The following SNX9 variants were observed in gnomAD, a reference collection of about 807,000 sequenced individuals.
SNX9 encodes the protein sorting nexin 9, also known as sorting nexin-9.
Under a neutral mutation model 89.4 loss-of-function variants are expected in SNX9, and 44 were observed. The observed-to-expected ratio is 0.49, with a 90% confidence interval of 0.39 to 0.63. The LOEUF is 0.63. Ranked by LOEUF, SNX9 falls within the 30% of genes least tolerant of loss-of-function variation. The pLI, the probability that SNX9 is intolerant of heterozygous loss-of-function variation, is 0.00. For missense variants in SNX9, 578 were observed against 736.1 expected (o/e 0.79, Z 2.49); for synonymous variants, 236 against 247.8 (o/e 0.95, Z 0.45).
Position 157,884,922 on chromosome 6 carries a change from C to T in SNX9, c.300+9746C>T, listed in dbSNP as rs117993478. ...GGACCAGCCAGCATTGTTATACGTA[C>T]ATCCTGTCATCAGCACAGTGTAAAA... On this transcript the variant is annotated intron_variant, in intron 4 of 17. Coordinates refer to ENST00000392185, the MANE Select transcript of SNX9 (RefSeq NM_016224.5). Among the ~76,000 whole-genome samples, 355 of 152,244 alleles carry T rather than the reference C, an allele frequency of 2.3e-3. 1 individual carries two copies. The highest frequency in any genetic ancestry group is 5.0e-3 in the Admixed American group (76 of 15,288).
chr6:157,871,371 A>G (rs995654627), intron 2 of SNX9, among the ~76,000 whole-genome samples: 3 of 152,070 alleles, frequency 2.0e-5, no homozygotes, highest in African/African-American at 7.2e-5. Context: ...ACAAAATGAG[A>G]CAGTGTCTCA....
Position 157,875,089 on chromosome 6 carries a change from A to C in SNX9, c.213A>C (p.Gly71=), listed in dbSNP as rs778687174. 1.9e-6 allele frequency: 3 copies of C among 1,614,010 alleles called. No homozygotes were observed. In the Admixed American group the frequency reaches 5.0e-5, roughly 27 times the overall value. The change falls in exon 4 of 18, where the codon GGA becomes GGC. Residue 71 remains glycine (G), a synonymous_variant. Coordinates refer to ENST00000392185, the MANE Select transcript of SNX9 (RefSeq NM_016224.5). ...PSDGKDQFSC[G]NSVADQAFLD... ...ATGGAAAAGATCAATTTTCTTGTGGAAATTCAGTGGCTGACCAAGCCTTCC... is the reference window on the plus strand; with the variant it reads ...ATGGAAAAGATCAATTTTCTTGTGGCAATTCAGTGGCTGACCAAGCCTTCC...
intron 2 of SNX9, among the ~76,000 whole-genome samples, chr6:157,870,401 C>G (rs898521661): frequency 6.6e-6 from 1 of 151,848 alleles, no homozygotes; most frequent in African/African-American, 2.4e-5. Flanking sequence ...CCCTCAGACA[C>G]TGTCACCTGC....
intron 10 of SNX9, among the ~76,000 whole-genome samples, chr6:157,926,404 A>G (rs1783692401): frequency 6.6e-6 from 1 of 152,174 alleles, no homozygotes; most frequent in South Asian, 2.1e-4. Flanking sequence ...ATAGCTCATA[A>G]TACTGGTTTC....
rs1220293931 is a variant in SNX9 at position 157,823,747 on chromosome 6, G to C, written c.12+301G>C. Among the ~76,000 whole-genome samples, 1 of 151,988 alleles carries C rather than the reference G, an allele frequency of 6.6e-6. No homozygotes were observed. The highest frequency in any genetic ancestry group is 1.5e-5 in the Non-Finnish European group (1 of 67,958). On this transcript the variant is annotated intron_variant, in intron 1 of 17. Coordinates refer to ENST00000392185, the MANE Select transcript of SNX9 (RefSeq NM_016224.5). This position sits in a 1 kb window ranked among gnomAD's most constrained non-coding sequence, Gnocchi z 4.6. ...TGCACCTGAGCGTGGGCTGCGGCGG[G>C]CTCGCCGGGAGGGGCCGCGGGACGG...
At chr6:157,835,399 A>G (rs933962996) in intron 1 of SNX9, among the ~76,000 whole-genome samples, 9 of 148,698 alleles carry the variant, frequency 6.1e-5, no homozygotes, top group African/African-American at 2.0e-4. Context: ...GCCTTTAAAA[A>G]CCCATTCCCC....
At chr6:157,894,252 G>A (rs1160764033) in intron 4 of SNX9, among the ~76,000 whole-genome samples, 3 of 149,166 alleles carry the variant, frequency 2.0e-5, no homozygotes, top group Non-Finnish European at 4.5e-5. Flanking sequence ...TGGGATTACA[G>A]GCGCCCACCA....
chr6:157,938,714 AAG>A lies in SNX9; in HGVS notation c.1620_1621del (p.Arg540SerfsTer11). ...CCTACAAGACAAACAGAACATGGTG[AAG>A]AGAGTCAGCATCATGTCTTACGCGT... Reference protein sequence around the residue: ...ITLQDKQNMVKRVSIMSYALQ... With the variant: ...ITLQDKQNMVXRVSIMSYALQ... On this transcript the variant is annotated frameshift_variant, in exon 16 of 18. Coordinates refer to ENST00000392185, the MANE Select transcript of SNX9 (RefSeq NM_016224.5). LOFTEE classifies it high-confidence loss of function. 6.2e-7 allele frequency: 1 copy of A among 1,614,084 alleles called. No homozygotes were observed. The highest frequency in any genetic ancestry group is 8.5e-7 in the Non-Finnish European group (1 of 1,179,958).
intron 9 of SNX9, among the ~76,000 whole-genome samples, chr6:157,917,651 G>A (rs528239450): frequency 1.3e-5 from 2 of 151,956 alleles, no homozygotes; most frequent in African/African-American, 4.8e-5. Context: ...ATATAAAATG[G>A]TATAGTATTT....
intron 15 of SNX9, among the ~76,000 whole-genome samples, chr6:157,938,244 A>C (rs1480327922): frequency 6.6e-6 from 1 of 152,234 alleles, no homozygotes; most frequent in African/African-American, 2.4e-5. Flanking sequence ...TGTATAAAAA[A>C]AGAGAGAGAG....
chr6:157,894,020 C>G (rs1404199201), intron 4 of SNX9, among the ~76,000 whole-genome samples: 1 of 151,158 alleles, frequency 6.6e-6, no homozygotes, highest in Non-Finnish European at 1.5e-5. Flanking sequence ...ATGGATTGTT[C>G]ATGAAATGGT....
intron 4 of SNX9, among the ~76,000 whole-genome samples, chr6:157,879,194 C>G (rs539279325): frequency 6.6e-6 from 1 of 152,320 alleles, no homozygotes; most frequent in East Asian, 1.9e-4. Flanking sequence ...ACGCAGGTTT[C>G]TGGGCAAGAA....
At chr6:157,936,131 A>G in intron 14 of SNX9, 91 bp downstream of exon 14, 1 of 882,254 alleles carries the variant, frequency 1.1e-6, no homozygotes, top group Non-Finnish European at 1.7e-6. Flanking sequence ...AAACGTCCCA[A>G]ATAAGTACCC....
At position 157,823,664 on chromosome 6, in the gene SNX9, G is replaced by T. The variant is rs1781283138; in HGVS notation, c.12+218G>T. The stretch of plus-strand genomic sequence containing the variant: ...ACAGACCACCAGGATCGCACCGGGG[G>T]ACGGCGTCGGGTCTGGGCGCGGGTT... On this transcript the variant is annotated intron_variant, in intron 1 of 17. Coordinates refer to ENST00000392185, the MANE Select transcript of SNX9 (RefSeq NM_016224.5). The surrounding 1 kb of genome is among the most constrained non-coding windows in gnomAD (Gnocchi z 4.6). Among the ~76,000 whole-genome samples the T allele has an allele frequency of 6.6e-6, 1 of 151,984 alleles. No individual in the cohort carries two copies. Among genetic ancestry groups the T allele is most frequent in the African/African-American group, 2.4e-5 (1 of 41,420 alleles).
At chr6:157,832,513 G>C (rs1023374263) in intron 1 of SNX9, among the ~76,000 whole-genome samples, 8 of 152,284 alleles carry the variant, frequency 5.3e-5, no homozygotes, top group Admixed American at 2.0e-4. Flanking sequence ...GTATTAGTCT[G>C]TTCTCATGCT....
chr6:157,827,393 T>C (rs909994914), intron 1 of SNX9, among the ~76,000 whole-genome samples: 2 of 15,792 alleles, frequency 1.3e-4, no homozygotes, highest in East Asian at 3.7e-3. Context: ...TATTATAGTT[T>C]ATATAATATA....
At chr6:157,860,222 G>T (rs1227701523) in intron 1 of SNX9, among the ~76,000 whole-genome samples, 1 of 152,040 alleles carries the variant, frequency 6.6e-6, no homozygotes, top group Non-Finnish European at 1.5e-5. Context: ...AACATAGTGA[G>T]ATCTCGTCTC....
At chr6:157,886,393 T>G (rs1782736721) in intron 4 of SNX9, among the ~76,000 whole-genome samples, 1 of 152,240 alleles carries the variant, frequency 6.6e-6, no homozygotes, top group South Asian at 2.1e-4. Context: ...AAAGTAACCT[T>G]TTATTTTATT....
intron 16 of SNX9, among the ~76,000 whole-genome samples, chr6:157,939,651 A>T (rs1783995182): frequency 1.3e-5 from 2 of 152,160 alleles, no homozygotes; most frequent in South Asian, 4.1e-4. Flanking sequence ...AAAGAGAAGG[A>T]TGAGGGAGGT....
Sources: allele counts gnomAD v4.1 joint callset (sites outside exome capture counted in the v4.1 genomes callset), GRCh38; gene constraint gnomAD v4.1.1; non-coding constraint Gnocchi (gnomAD v3.1); transcripts MANE v1.5; gene names NCBI Gene and HGNC (gene_info 2026-07-23, HGNC 2026-07-21).